C2orf76: variants seen among roughly 807,000 people sequenced by gnomAD.
C2orf76 encodes the protein UPF0538 protein C2orf76.
A neutral mutation model predicts 16.9 loss-of-function variants in C2orf76; 23 were observed. The ratio of observed to expected loss-of-function variants is 1.36; its 90% CI spans 0.98 to 1.93. The LOEUF is 1.93. C2orf76 is among the 30% of genes most tolerant of loss of function. The pLI is 0.00. For synonymous variants in C2orf76, 48 were observed against 52.3 expected (o/e 0.92, Z 0.35); for missense variants, 152 against 152.6 (o/e 1.00, Z 0.02).
intron 1 of C2orf76, among the ~76,000 whole-genome samples, chr2:119,362,663 T>C (rs1426336696): frequency 6.6e-6 from 1 of 152,204 alleles, no homozygotes; most frequent in African/African-American, 2.4e-5. Context: ...AGGCAGCACC[T>C]GACCAGTGTA....
chr2:119,299,141 C>A (rs545469524), downstream of C2orf76, among the ~76,000 whole-genome samples: 2 of 152,058 alleles, frequency 1.3e-5, no homozygotes, highest in South Asian at 2.1e-4. Flanking sequence ...TGGTCTCGAA[C>A]TCCTGAGCTC....
downstream of C2orf76, among the ~76,000 whole-genome samples, chr2:119,301,800 C>T (rs904053032): frequency 3.3e-5 from 5 of 151,806 alleles, no homozygotes; most frequent in Non-Finnish European, 7.4e-5. Flanking sequence ...GCCGCTTCCT[C>T]TCTCCAAATA....
chr2:119,301,585 G>A (rs1201799730), downstream of C2orf76, among the ~76,000 whole-genome samples: 1 of 151,766 alleles, frequency 6.6e-6, no homozygotes, highest in Non-Finnish European at 1.5e-5. Context: ...AGGACTCAGG[G>A]AGCAATGGCA....
At chr2:119,352,565 G>A (rs962764235) in intron 1 of C2orf76, among the ~76,000 whole-genome samples, 2 of 152,212 alleles carry the variant, frequency 1.3e-5, no homozygotes, top group African/African-American at 4.8e-5. Context: ...AAGCCAAGCT[G>A]TAGCCAGTCA....
At chr2:119,324,489 C>T (rs186028577) in intron 2 of C2orf76, among the ~76,000 whole-genome samples, 8 of 152,294 alleles carry the variant, frequency 5.3e-5, no homozygotes, top group South Asian at 2.1e-4. Context: ...GGACCATGTC[C>T]GGCCCATAAC....
intron 2 of C2orf76, among the ~76,000 whole-genome samples, chr2:119,328,190 GA>G (rs778332091): frequency 4.6e-5 from 7 of 152,052 alleles, no homozygotes; most frequent in Non-Finnish European, 1.0e-4. Context: ...AATCTCTGTA[GA>G]ATTGAGATTA....
intron 1 of C2orf76, among the ~76,000 whole-genome samples, chr2:119,345,198 A>G (rs1680159933): frequency 6.6e-6 from 1 of 152,218 alleles, no homozygotes; most frequent in Admixed American, 6.5e-5. Context: ...CCTAATAGAA[A>G]CAAGGATAAA....
At chr2:119,364,914 A>C (rs1158739373) in intron 1 of C2orf76, among the ~76,000 whole-genome samples, 2 of 151,850 alleles carry the variant, frequency 1.3e-5, no homozygotes, top group Non-Finnish European at 2.9e-5. Context: ...CTCTACAAAA[A>C]ATAAAAATAA....
downstream of C2orf76, among the ~76,000 whole-genome samples, chr2:119,301,953 A>C (rs1018118526): frequency 6.6e-6 from 1 of 151,924 alleles, no homozygotes; most frequent in Non-Finnish European, 1.5e-5. Context: ...CTACATCATA[A>C]AACCTCCCTA....
At chr2:119,314,947 T>C (rs763515144) in intron 4 of C2orf76, among the ~76,000 whole-genome samples, 5 of 152,136 alleles carry the variant, frequency 3.3e-5, no homozygotes, top group Non-Finnish European at 5.9e-5. Flanking sequence ...TTCACTTTAA[T>C]GGGTCTGAAA....
At chr2:119,305,952 A>C (rs112615351) in intron 5 of C2orf76, among the ~76,000 whole-genome samples, 7,773 of 151,774 alleles carry the variant, frequency 0.051, 684 homozygotes, top group African/African-American at 0.18. Flanking sequence ...CAAAAAAAAA[A>C]AAAAACAAAA....
intron 2 of C2orf76, among the ~76,000 whole-genome samples, chr2:119,335,843 A>G (rs555387936): frequency 6.6e-6 from 1 of 152,302 alleles, no homozygotes; most frequent in Non-Finnish European, 1.5e-5. Context: ...CAGTCTAACC[A>G]TGAGAAAAAC....
chr2:119,301,415 G>A (rs1028816200), downstream of C2orf76, among the ~76,000 whole-genome samples: 2 of 152,184 alleles, frequency 1.3e-5, no homozygotes, highest in Admixed American at 6.5e-5. Flanking sequence ...TCTTAAGTTA[G>A]ACGTGACCAT....
At chr2:119,301,316 G>A (rs1678618149), downstream of C2orf76, among the ~76,000 whole-genome samples, 1 of 152,172 alleles carries the variant, frequency 6.6e-6, no homozygotes, top group South Asian at 2.1e-4. Flanking sequence ...TCTTAAAGAA[G>A]ACCCTATTAA....
At chr2:119,307,574 A>G (rs563960885) in intron 5 of C2orf76, among the ~76,000 whole-genome samples, 7 of 152,142 alleles carry the variant, frequency 4.6e-5, no homozygotes, top group South Asian at 2.1e-4. Context: ...GCATAGCAAC[A>G]CCACTCTAGA....
chr2:119,343,044 T>C (rs1680086304), intron 1 of C2orf76, among the ~76,000 whole-genome samples: 1 of 152,164 alleles, frequency 6.6e-6, no homozygotes, highest in African/African-American at 2.4e-5. Flanking sequence ...TATATCATTC[T>C]TTATGCCTTT....
intron 5 of C2orf76, 158 bp downstream of exon 5, chr2:119,311,464 C>T (rs764368644): frequency 4.1e-6 from 4 of 985,274 alleles, no homozygotes; most frequent in Non-Finnish European, 4.8e-6. Context: ...TCGGAATGCA[C>T]ATCATTCTCA....
At chr2:119,297,536 T>C (rs1678559357), downstream of C2orf76, among the ~76,000 whole-genome samples, 1 of 152,254 alleles carries the variant, frequency 6.6e-6, no homozygotes, top group Non-Finnish European at 1.5e-5. Context: ...AGACAAGGTC[T>C]GGCTCTATAG....
Position 119,333,079 on chromosome 2 carries a change from T to G in C2orf76, c.133+6748A>C, listed in dbSNP as rs1009389148. 2.6e-5 allele frequency among the ~76,000 whole-genome samples: 4 copies of G among 152,206 alleles called. No homozygotes were observed. The East Asian group carries it at 7.7e-4, about 29-fold the overall frequency. On this transcript the variant is annotated intron_variant, in intron 2 of 5. Coordinates refer to ENST00000334816, the MANE Select transcript of C2orf76 (RefSeq NM_001322331.2). ...ATTATAAAGTACTTAAATTAAAGAA[T>G]GCGCAGCACATCCTGTAGTAGAGTA...
Sources: gnomAD v4.1 joint callset for allele counts (sites outside exome capture counted in the v4.1 genomes callset) on GRCh38, gnomAD v4.1.1 for gene constraint, MANE v1.5 for transcripts, NCBI Gene and HGNC (gene_info 2026-07-23, HGNC 2026-07-21) for gene names.